The following FREM1 variants were observed in gnomAD, a reference collection of about 807,000 sequenced individuals.
FREM1 encodes FRAS1 related extracellular matrix 1.
A neutral mutation model predicts 210.1 loss-of-function variants in FREM1; 220 were observed. The observed-to-expected ratio is 1.05, with a 90% CI of 0.94 to 1.17. The LOEUF (loss-of-function observed/expected upper bound fraction) is 1.17, where lower values mean the gene tolerates loss of function less well. FREM1 is among the 50% of genes most tolerant of loss of function. The probability of loss-of-function intolerance (pLI) is 0.00; values close to 1 mark genes in which losing one functional copy is unlikely to be tolerated. For synonymous variants in FREM1, 1,189 were observed against 980.2 expected, an observed-to-expected ratio of 1.21 and a Z score of -3.98; for missense variants, 3,454 against 2,675.5, an observed-to-expected ratio of 1.29 and a Z score of -6.42.
At chr9:14,821,961 G>A (rs1821426173) in intron 13 of FREM1, among the ~76,000 whole-genome samples, 1 of 152,172 alleles carries the variant, frequency 6.6e-6, no homozygotes, top group South Asian at 2.1e-4. Flanking sequence ...ACCTTGAATT[G>A]TAATAATCCC....
Position 14,869,175 on chromosome 9 carries a change from T to C in FREM1, c.-198A>G. The C allele has an allele frequency of 3.9e-6, 2 of 518,910 alleles. No individual in the cohort carries two copies. The highest frequency in any genetic ancestry group is 3.4e-6 in the Non-Finnish European group (1 of 292,496). The allele number at this position is 518,910 out of a possible 1,614,324, so 32.1% of individuals were successfully genotyped here. A position where few individuals can be genotyped will look rare whatever the true frequency, so the allele number is the denominator to read the frequency against. ...GCCTTTCAGGCAATCCCAGGGCTTT[T>C]AATAAAACTCGCTGATCACTCCTGA... is the stretch of plus-strand genomic sequence containing the variant. On this transcript the variant is annotated 5_prime_UTR_variant, in exon 2 of 37. Transcript: ENST00000380880.
chr9:14,882,688 C>T (rs1835002030), intron 1 of FREM1, among the ~76,000 whole-genome samples: 1 of 151,456 alleles, frequency 6.6e-6, no homozygotes, highest in Non-Finnish European at 1.5e-5. Context: ...AAACTCCTGA[C>T]CTCAAGTGAT....
chr9:14,747,731 G>A lies in FREM1; in HGVS notation c.5797-3C>T. On this transcript the variant is annotated splice_region_variant and splice_polypyrimidine_tract_variant and intron_variant, in intron 31 of 36. Coordinates refer to ENST00000380880, the MANE Select transcript of FREM1 (RefSeq NM_001379081.2). The stretch of plus-strand genomic sequence containing the variant: ...CTATAAACAGAGGATGGACGAACCT[G>A]AAATTGACAGAGAACAAAATATGAA... The A allele has an allele frequency of 6.5e-7, 1 of 1,531,704 alleles. No individual in the cohort carries two copies. The highest frequency in any genetic ancestry group is 8.8e-7 in the Non-Finnish European group (1 of 1,132,204). The allele number at this position is 1,531,704 out of a possible 1,614,324, so 94.9% of individuals were successfully genotyped here. A position where few individuals can be genotyped will look rare whatever the true frequency, so the allele number is the denominator to read the frequency against.
intron 1 of FREM1, among the ~76,000 whole-genome samples, chr9:14,872,460 C>T (rs1293899853): frequency 1.3e-5 from 2 of 152,154 alleles, no homozygotes; most frequent in African/African-American, 4.8e-5. Context: ...CATGACTTGG[C>T]TTTCTGTTTG....
chr9:14,851,397 G>T lies in FREM1; in HGVS notation c.1039C>A (p.His347Asn), dbSNP rs1343842131. 1 of 1,613,904 alleles carries T rather than the reference G, an allele frequency of 6.2e-7. No homozygotes were observed. Among genetic ancestry groups the T allele is most frequent in the Admixed American group, 1.7e-5 (1 of 60,006 alleles). The stretch of plus-strand genomic sequence containing the variant: ...ATTGGTCTGGTGTGATCCAACAGGT[G>T]AGTCACATAGCCCTGGAGCGGGGCT... Reference protein sequence around the residue: ...TKAPLQGYVTHLLDHTRPISS... With the variant: ...TKAPLQGYVTNLLDHTRPISS... Residue 347 changes from histidine (H) to asparagine (N), a missense_variant, in exon 6 of 37, where the codon CAC becomes AAC. His to Asn is a moderately conservative substitution (Grantham distance 68). Coordinates refer to ENST00000380880, the MANE Select transcript of FREM1 (RefSeq NM_001379081.2).
intron 36 of FREM1, 37 bp downstream of exon 36, chr9:14,740,112 C>T: frequency 7.2e-7 from 1 of 1,387,604 alleles, no homozygotes; most frequent in Non-Finnish European, 1.0e-6. Context: ...ATGTCCTTGC[C>T]TCCCTCCTCA....
intron 4 of FREM1, among the ~76,000 whole-genome samples, chr9:14,858,565 G>A (rs541602373): frequency 1.1e-3 from 164 of 150,062 alleles, no homozygotes; most frequent in Admixed American, 1.9e-3. Flanking sequence ...CAAATGTGCC[G>A]TTAACTGTCA....
intron 3 of FREM1, among the ~76,000 whole-genome samples, chr9:14,860,842 TACATATATAC>T (rs2131616484): frequency 1.2e-5 from 1 of 84,732 alleles, no homozygotes; most frequent in African/African-American, 6.6e-5. Context: ...TACGTATATA[TACATATATAC>T]GTATATATAC....
chr9:14,792,284 A>ACC (rs1851533270), intron 22 of FREM1, among the ~76,000 whole-genome samples: 1 of 142,000 alleles, frequency 7.0e-6, no homozygotes, highest in Admixed American at 7.2e-5. Context: ...ACACACACAC[A>ACC]CACACACACA....
intron 10 of FREM1, among the ~76,000 whole-genome samples, chr9:14,840,629 A>G (rs539026272): frequency 6.6e-6 from 1 of 152,318 alleles, no homozygotes; most frequent in South Asian, 2.1e-4. Context: ...GGTTCCTCCC[A>G]TGACACGTGG....
chr9:14,816,718 G>C, intron 15 of FREM1, 60 bp downstream of exon 15: 1 of 798,436 alleles, frequency 1.3e-6, no homozygotes, highest in Non-Finnish European at 1.8e-6. Flanking sequence ...CTGTAGTATT[G>C]TGTTATGGCA....
intron 1 of FREM1, among the ~76,000 whole-genome samples, chr9:14,883,309 A>G (rs1835155747): frequency 6.6e-6 from 1 of 152,238 alleles, no homozygotes; most frequent in Admixed American, 6.5e-5. Context: ...AAAATCAAAC[A>G]AAACTCATCC....
intron 23 of FREM1, among the ~76,000 whole-genome samples, chr9:14,786,017 T>G (rs1850374540): frequency 6.6e-6 from 1 of 152,172 alleles, no homozygotes; most frequent in Non-Finnish European, 1.5e-5. Flanking sequence ...GGGACCATAA[T>G]TGAATTTTGT....
intron 10 of FREM1, among the ~76,000 whole-genome samples, chr9:14,826,334 C>T (rs112592658): frequency 2.6e-5 from 4 of 152,028 alleles, no homozygotes; most frequent in Non-Finnish European, 4.4e-5. Flanking sequence ...TCAAGTGATC[C>T]GCCCTCCTTG....
At chr9:14,859,542 C>T in intron 3 of FREM1, 58 bp from the exon 4 acceptor site, 1 of 1,407,168 alleles carries the variant, frequency 7.1e-7, no homozygotes, top group Non-Finnish European at 9.7e-7. Context: ...TTCTGATACC[C>T]ATGTACTCAG....
chr9:14,777,772 T>C (rs1848873479), intron 24 of FREM1, among the ~76,000 whole-genome samples: 1 of 152,182 alleles, frequency 6.6e-6, no homozygotes, highest in Non-Finnish European at 1.5e-5. Context: ...GCATTGATCC[T>C]TTTGAGCATG....
chr9:14,770,356 T>C lies in FREM1; in HGVS notation c.5059+249A>G, dbSNP rs377004952. On this transcript the variant is annotated intron_variant, in intron 26 of 36. Transcript: ENST00000380880. The stretch of plus-strand genomic sequence containing the variant: ...TTATGTTCCTTTGAATATATTATAA[T>C]CAGCTGTTGAGAAAAAAAATATAAA... Among the ~76,000 whole-genome samples the C allele has an allele frequency of 1.3e-4, 20 of 152,266 alleles. No homozygotes were observed. In the East Asian group the frequency reaches 1.9e-3, roughly 15 times the overall value.
chr9:14,783,333 G>T (rs1164967753), intron 24 of FREM1, among the ~76,000 whole-genome samples: 1 of 152,186 alleles, frequency 6.6e-6, no homozygotes, highest in African/African-American at 2.4e-5. Context: ...AGTGATACTT[G>T]ATAGTTTATG....
intron 10 of FREM1, among the ~76,000 whole-genome samples, chr9:14,828,472 T>C (rs1822893301): frequency 1.3e-5 from 2 of 152,138 alleles, no homozygotes; most frequent in Admixed American, 1.3e-4. Flanking sequence ...TGTTTCAGGA[T>C]GAACTGTACC....
Sources: gnomAD v4.1 joint callset for allele counts (sites outside exome capture counted in the v4.1 genomes callset) on GRCh38, gnomAD v4.1.1 for gene constraint, MANE v1.5 for transcripts, NCBI Gene and HGNC (gene_info 2026-07-23, HGNC 2026-07-21) for gene names.